G6PC1: variants seen among roughly 807,000 people sequenced by gnomAD.
G6PC1 encodes G-6-Pase.
Under a neutral mutation model 30.4 loss-of-function variants are expected in G6PC1, and 23 were observed. That is an observed-to-expected ratio of 0.76 (90% confidence interval 0.55 to 1.07). The LOEUF is 1.07. G6PC1 is among the 50% of genes least tolerant of loss of function. The pLI, the probability that G6PC1 is intolerant of heterozygous loss-of-function variation, is 0.00. For synonymous variants in G6PC1, 163 were observed against 175.6 expected, an observed-to-expected ratio of 0.93 and a Z score of 0.57; for missense variants, 391 against 433.9, an observed-to-expected ratio of 0.90 and a Z score of 0.88.
intron 3 of G6PC1, 31 bp from the exon 4 acceptor site, chr17:42,909,272 T>G (rs1398297492): frequency 2.7e-6 from 4 of 1,473,966 alleles, no homozygotes; most frequent in Non-Finnish European, 2.9e-6. Flanking sequence ...TCTGCACCTG[T>G]GTTCTGTTAT....
At position 42,907,507 on chromosome 17, in the gene G6PC1, C is replaced by T; in HGVS notation, c.341-16C>T. The T allele has an allele frequency of 6.3e-7, 1 of 1,587,356 alleles. No homozygotes were observed. On this transcript the variant is annotated splice_polypyrimidine_tract_variant and intron_variant, in intron 2 of 4. Transcript: ENST00000253801. The stretch of plus-strand genomic sequence containing the variant: ...GACCTTTTCACCTTTACTCCATTCT[C>T]TTTCCTGCCCTTTAGGGAGCCCCTC...
chr17:42,911,363 C>A lies in G6PC1; in HGVS notation c.1011C>A (p.Ser337=). The A allele has an allele frequency of 6.2e-7, 1 of 1,614,194 alleles. No homozygotes were observed. The highest frequency in any genetic ancestry group is 8.5e-7 in the Non-Finnish European group (1 of 1,180,026). Residue 337 remains serine (S), a synonymous_variant, in exon 5 of 5, where the codon TCC becomes TCA. Coordinates refer to ENST00000253801, the MANE Select transcript of G6PC1 (RefSeq NM_000151.4). ...FCKSAVVPLA[S]VSVIPYCLAQ... ...AGAGTGCGGTAGTGCCCCTGGCATC[C>A]GTCAGTGTCATCCCCTACTGCCTCG... is the stretch of plus-strand genomic sequence containing the variant.
Position 42,907,617 on chromosome 17 carries a change from C to T in G6PC1, c.435C>T (p.Thr145=). The part of the protein sequence containing the change: ...LSIFQGKIKP[T]YRFRCLNVIL... The stretch of plus-strand genomic sequence containing the variant: ...TCTTTCAGGGAAAGATAAAGCCGAC[C>T]TACAGATTTCGGTAAGAACTCACCA... The change falls in exon 3 of 5, where the codon ACC becomes ACT. Residue 145 remains threonine, a synonymous_variant. Transcript: ENST00000253801. 1 of 1,612,954 alleles carries T rather than the reference C, an allele frequency of 6.2e-7. No individual in the cohort carries two copies. Among genetic ancestry groups the T allele is most frequent in the Admixed American group, 1.7e-5 (1 of 60,004 alleles).
intron 2 of G6PC1, among the ~76,000 whole-genome samples, chr17:42,905,429 A>AAAAAT (rs572893716): frequency 8.3e-6 from 1 of 120,864 alleles, no homozygotes; most frequent in African/African-American, 3.9e-5. Context: ...AAAAAAAAAA[A>AAAAAT]ATATATATAT....
In G6PC1 at chr17:42,900,823, GGA is replaced by G; in HGVS notation, c.-53_-52del. The G allele has an allele frequency of 6.9e-7, 1 of 1,457,634 alleles. No homozygotes were observed. The allele number at this position is 1,457,634 out of a possible 1,614,324, so 90.3% of individuals were successfully genotyped here. On this transcript the variant is annotated 5_prime_UTR_variant, in exon 1 of 5. Coordinates refer to ENST00000253801, the MANE Select transcript of G6PC1 (RefSeq NM_000151.4). ...TAGCAGAGCAATCACCACCAAGCCTGGAATAACTGCAAGGGCTCTGCTGACAT... is the reference window on the plus strand; with the variant it reads ...TAGCAGAGCAATCACCACCAAGCCTGATAACTGCAAGGGCTCTGCTGACAT...
intron 1 of G6PC1, among the ~76,000 whole-genome samples, chr17:42,901,311 G>T (rs1430803906): frequency 1.3e-5 from 2 of 152,158 alleles, no homozygotes; most frequent in African/African-American, 4.8e-5. Flanking sequence ...ATACAGGAAA[G>T]CCTATTTCAT....
chr17:42,911,512 T>A lies in G6PC1; in HGVS notation c.*86T>A. The A allele has an allele frequency of 6.3e-7, 1 of 1,582,868 alleles. No homozygotes were observed. The highest frequency in any genetic ancestry group is 8.6e-7 in the Non-Finnish European group (1 of 1,158,106). On this transcript the variant is annotated 3_prime_UTR_variant, in exon 5 of 5. Coordinates refer to ENST00000253801, the MANE Select transcript of G6PC1 (RefSeq NM_000151.4). ...TATTTGAAGCAATGGGCACTGGTAT[T>A]TGGAGCAAGTGACATGCCATCCATT... is the stretch of plus-strand genomic sequence containing the variant.
At chr17:42,903,881 G>A in intron 1 of G6PC1, 50 bp from the exon 2 acceptor site, 1 of 1,253,708 alleles carries the variant, frequency 8.0e-7, no homozygotes, top group Non-Finnish European at 1.2e-6. Flanking sequence ...TAGGCTTTGG[G>A]CAAAAGCATT....
intron 4 of G6PC1, among the ~76,000 whole-genome samples, chr17:42,910,181 A>G (rs911105424): frequency 1.3e-5 from 2 of 152,146 alleles, no homozygotes; most frequent in African/African-American, 4.8e-5. Context: ...TCCAATTAAC[A>G]AGGGTAAGAC....
chr17:42,912,253 A>G lies in G6PC1; in HGVS notation c.*827A>G, dbSNP rs1417614465. The G allele has an allele frequency of 6.6e-6, 1 of 152,298 alleles. No homozygotes were observed. The highest frequency in any genetic ancestry group is 1.5e-5 in the Non-Finnish European group (1 of 68,116). 9.4% of individuals were successfully genotyped at this position (152,298 alleles called of 1,614,324 possible). ...CTAGTATTTTTTTTACTGTGCATAC[A>G]TGTTCATCGTATTTCCTTGGATTTC... On this transcript the variant is annotated 3_prime_UTR_variant, in exon 5 of 5. Coordinates refer to ENST00000253801, the MANE Select transcript of G6PC1 (RefSeq NM_000151.4).
chr17:42,910,779 G>C, intron 4 of G6PC1, 136 bp from the exon 5 acceptor site: 1 of 828,536 alleles, frequency 1.2e-6, no homozygotes, highest in African/African-American at 1.7e-5. Flanking sequence ...TAAGCCAGGC[G>C]ACCCTCCCAT....
intron 1 of G6PC1, 144 bp from the exon 2 acceptor site, chr17:42,903,787 C>T: frequency 1.4e-6 from 1 of 697,708 alleles, no homozygotes. Context: ...ATATCTCCCT[C>T]TCACACTTCT....
chr17:42,903,181 AAGCGATTCTCTTGCCTT>A (rs1407518805), intron 1 of G6PC1, among the ~76,000 whole-genome samples: 2 of 150,440 alleles, frequency 1.3e-5, no homozygotes, highest in Non-Finnish European at 2.9e-5. Context: ...TCCCAGGTTC[AAGCGATTCTCTTGCCTT>A]AGCCTCCCGA....
At chr17:42,903,870 G>A (rs1051317287) in intron 1 of G6PC1, 61 bp from the exon 2 acceptor site, 4 of 1,100,962 alleles carry the variant, frequency 3.6e-6, no homozygotes, top group East Asian at 2.4e-5. Flanking sequence ...TCTTGAAGGT[G>A]TAGGCTTTGG....
intron 1 of G6PC1, among the ~76,000 whole-genome samples, chr17:42,902,816 C>G (rs1393055010): frequency 6.6e-6 from 1 of 152,084 alleles, no homozygotes; most frequent in African/African-American, 2.4e-5. Context: ...GGATACAGAA[C>G]AAGCATCTGA....
chr17:42,909,017 C>CT (rs1751426542), intron 3 of G6PC1, among the ~76,000 whole-genome samples: 1 of 151,778 alleles, frequency 6.6e-6, no homozygotes, highest in Non-Finnish European at 1.5e-5. Flanking sequence ...CAATTTTGAT[C>CT]TTTTTTAAAG....
At position 42,904,032 on chromosome 17, in the gene G6PC1, C is replaced by T. The variant is rs1203167759; in HGVS notation, c.332C>T (p.Thr111Ile). Residue 111 changes from threonine (T) to isoleucine (I), a missense_variant, in exon 2 of 5, where the codon ACT (threonine) becomes ATT (isoleucine). Coordinates refer to ENST00000253801, the MANE Select transcript of G6PC1 (RefSeq NM_000151.4). ...LIKQFPVTCE[T>I]GPGSPSGHAM... is the part of the protein sequence containing the mutation. Reference sequence around the variant, plus strand: ...AAGCAGTTCCCTGTAACCTGTGAGACTGGACCAGGTAAGCGTCCCAGCCCC... The same window carrying T: ...AAGCAGTTCCCTGTAACCTGTGAGATTGGACCAGGTAAGCGTCCCAGCCCC... The T allele has an allele frequency of 1.2e-6, 2 of 1,609,948 alleles. No individual in the cohort carries two copies. The highest frequency in any genetic ancestry group is 2.2e-5 in the East Asian group (1 of 44,878).
chr17:42,913,606 A>G lies in G6PC1; in HGVS notation c.*2180A>G, dbSNP rs1450799956. Among the ~76,000 whole-genome samples, 1 of 152,260 alleles carries G rather than the reference A, an allele frequency of 6.6e-6. No individual in the cohort carries two copies. Among genetic ancestry groups the G allele is most frequent in the Non-Finnish European group, 1.5e-5 (1 of 68,048 alleles). On this transcript the variant is annotated 3_prime_UTR_variant, in exon 5 of 5. Transcript: ENST00000253801. ...AACCAGAAAGATTCAGAGTTGGCCA[A>G]GAATGAACATTGGCTACCAGACCAC...
chr17:42,906,892 A>G (rs1461385985), intron 2 of G6PC1, among the ~76,000 whole-genome samples: 3 of 152,080 alleles, frequency 2.0e-5, no homozygotes, highest in African/African-American at 7.2e-5. Context: ...AAAAAACAAA[A>G]AACAAACAAA....
Sources: gnomAD v4.1 joint callset for allele counts (sites outside exome capture counted in the v4.1 genomes callset) on GRCh38, gnomAD v4.1.1 for gene constraint, MANE v1.5 for transcripts, NCBI Gene and HGNC (gene_info 2026-07-23, HGNC 2026-07-21) for gene names.